CFI: variants seen among roughly 807,000 people sequenced by gnomAD.
CFI encodes the protein complement factor I.
CFI carries 66 observed loss-of-function variants against 78.8 expected under a neutral mutation model. The observed-to-expected ratio is 0.84, with a 90% CI of 0.69 to 1.03. CFI has a LOEUF of 1.03. CFI is among the 50% of genes least tolerant of loss of function. CFI has a pLI of 0.00. For synonymous variants in CFI, 250 were observed against 232.6 expected, an observed-to-expected ratio of 1.07 and a Z score of -0.68; for missense variants, 706 against 704.5, an observed-to-expected ratio of 1.00 and a Z score of -0.02.
chr4:109,736,714 GGGTTT>G (rs1723390890), downstream of CFI, among the ~76,000 whole-genome samples: 1 of 152,186 alleles, frequency 6.6e-6, no homozygotes, highest in Admixed American at 6.5e-5. Context: ...TGAGACTGCA[GGGTTT>G]TAAGCCATCA....
chr4:109,735,059 C>T, the CFI span, among the ~76,000 whole-genome samples: 2 of 152,094 alleles, frequency 1.3e-5, no homozygotes, highest in African/African-American at 4.8e-5. Context: ...TTAAGCAATC[C>T]TCCTACTTCA....
chr4:109,737,061 T>C (rs1180541658), downstream of CFI, among the ~76,000 whole-genome samples: 1 of 152,190 alleles, frequency 6.6e-6, no homozygotes, highest in Non-Finnish European at 1.5e-5. Context: ...CCATCCTTTT[T>C]ATCCCTGCTT....
intron 1 of CFI, among the ~76,000 whole-genome samples, chr4:109,770,532 G>T (rs1462530865): frequency 1.3e-5 from 2 of 148,480 alleles, no homozygotes; most frequent in Non-Finnish European, 3.0e-5. Context: ...CTCCAACCTG[G>T]ATGACAGAGC....
In CFI at chr4:109,757,794, CA is replaced by C. The variant is rs2126209888; in HGVS notation, c.884-12del. The C allele has an allele frequency of 4.8e-6, 7 of 1,449,114 alleles. No homozygotes were observed. Among genetic ancestry groups the C allele is most frequent in the Non-Finnish European group, 5.7e-6 (6 of 1,049,540 alleles). The allele number at this position is 1,449,114 out of a possible 1,614,324, so 89.8% of individuals were successfully genotyped here. On this transcript the variant is annotated splice_polypyrimidine_tract_variant and intron_variant, in intron 6 of 12. Transcript: ENST00000394634. ...TCACAGATGCAAAGCCTGAAGAAAA[CA>C]AAAACAAAAAATTTATCAAAGGATA... is the stretch of plus-strand genomic sequence containing the variant.
chr4:109,799,977 C>T (rs1372353432), intron 1 of CFI, among the ~76,000 whole-genome samples: 1 of 152,178 alleles, frequency 6.6e-6, no homozygotes, highest in South Asian at 2.1e-4. Flanking sequence ...GTGCTATAAA[C>T]CTTTGACTGT....
At chr4:109,752,935 TAA>T (rs1491137825) in intron 7 of CFI, among the ~76,000 whole-genome samples, 5,039 of 107,140 alleles carry the variant, frequency 0.047, 1,685 homozygotes, top group Admixed American at 0.067. Flanking sequence ...ATTTATTATA[TAA>T]ATAAATATTT....
At chr4:109,778,683 A>AG (rs1335848280) in intron 1 of CFI, among the ~76,000 whole-genome samples, 1 of 151,928 alleles carries the variant, frequency 6.6e-6, no homozygotes, top group Admixed American at 6.6e-5. Flanking sequence ...AACAAAAAAA[A>AG]AGAATCTTAG....
chr4:109,739,767 A>T (rs77518300), downstream of CFI, among the ~76,000 whole-genome samples: 958 of 152,236 alleles, frequency 6.3e-3, 27 homozygotes, highest in East Asian at 0.062. Flanking sequence ...TACCAGGGAA[A>T]GGCAAAGTGA....
At chr4:109,733,127 A>G in the CFI span, among the ~76,000 whole-genome samples, 219 of 151,984 alleles carry the variant, frequency 1.4e-3, no homozygotes, top group African/African-American at 5.2e-3. Context: ...GCCCGCCACC[A>G]CACCTGACTA....
In CFI at chr4:109,741,109, A is replaced by G; in HGVS notation, c.1536T>C (p.Gly512=). 1 of 1,614,084 alleles carries G rather than the reference A, an allele frequency of 6.2e-7. No homozygotes were observed. Among genetic ancestry groups the G allele is most frequent in the Admixed American group, 1.7e-5 (1 of 60,022 alleles). Reference sequence around the variant, plus strand: ...AGGCATCGATGGAACCATCATATGTACCTAAGAAAGAAATGTGAAAGAGAA... The same window carrying G: ...AGGCATCGATGGAACCATCATATGTGCCTAAGAAAGAAATGTGAAAGAGAA... The part of the protein sequence containing the change: ...RFYEKEMECA[G]TYDGSIDACK... The change falls in exon 13 of 13, where the codon GGT becomes GGC. Residue 512 remains glycine, a splice_region_variant and synonymous_variant. Coordinates refer to ENST00000394634, the MANE Select transcript of CFI (RefSeq NM_000204.5).
chr4:109,742,290 A>G, intron 12 of CFI: 1 of 580,160 alleles, frequency 1.7e-6, no homozygotes, highest in Non-Finnish European at 3.1e-6. Context: ...AGAATCGCTT[A>G]AGGAGGATTT....
intron 1 of CFI, among the ~76,000 whole-genome samples, chr4:109,776,574 C>T (rs1428061446): frequency 3.3e-5 from 5 of 152,160 alleles, no homozygotes; most frequent in Non-Finnish European, 5.9e-5. Flanking sequence ...GAGAACTTCC[C>T]CAACCTAGCA....
intron 1 of CFI, among the ~76,000 whole-genome samples, chr4:109,783,954 C>T (rs897411169): frequency 1.3e-5 from 2 of 151,274 alleles, no homozygotes; most frequent in Middle Eastern, 3.4e-3. Context: ...AAATATCGTA[C>T]GTTCTCACTG....
At chr4:109,795,076 C>T (rs1414794575) in intron 1 of CFI, among the ~76,000 whole-genome samples, 1 of 152,168 alleles carries the variant, frequency 6.6e-6, no homozygotes, top group Non-Finnish European at 1.5e-5. Flanking sequence ...ATAAATTTCA[C>T]TTTATAGAGT....
the CFI span, among the ~76,000 whole-genome samples, chr4:109,733,381 A>T: frequency 6.6e-6 from 1 of 152,274 alleles, no homozygotes; most frequent in East Asian, 1.9e-4. Context: ...AACCAGCAAA[A>T]CCTGTTATTT....
chr4:109,795,725 A>T (rs1030095743), intron 1 of CFI, among the ~76,000 whole-genome samples: 2 of 152,198 alleles, frequency 1.3e-5, no homozygotes, highest in African/African-American at 4.8e-5. Flanking sequence ...GAACTGAAAA[A>T]TTCAGTAGAG....
At chr4:109,745,503 A>G (rs912207568) in intron 11 of CFI, among the ~76,000 whole-genome samples, 2 of 152,200 alleles carry the variant, frequency 1.3e-5, no homozygotes, top group African/African-American at 4.8e-5. Context: ...AAAGGTGTTG[A>G]CTAGTTTAAT....
intron 1 of CFI, among the ~76,000 whole-genome samples, chr4:109,767,462 G>A (rs1420439992): frequency 6.6e-6 from 1 of 151,728 alleles, no homozygotes; most frequent in African/African-American, 2.4e-5. Context: ...CCATCAAAAA[G>A]TGGGCAAAGG....
chr4:109,761,715 A>T (rs1237751175), intron 3 of CFI, 23 bp from the exon 4 acceptor site: 10 of 1,581,038 alleles, frequency 6.3e-6, no homozygotes, highest in Non-Finnish European at 7.8e-6. Context: ...TAAAGGAAAC[A>T]TTATGGTAGA....
Sources: gnomAD v4.1 joint callset for allele counts (sites outside exome capture counted in the v4.1 genomes callset) on GRCh38, gnomAD v4.1.1 for gene constraint, MANE v1.5 for transcripts, NCBI Gene and HGNC (gene_info 2026-07-23, HGNC 2026-07-21) for gene names.